IGFBPL1: variants seen among roughly 807,000 people sequenced by gnomAD.
IGFBPL1 encodes the protein insulin like growth factor binding protein like 1, also known as insulin-like growth factor-binding protein-like 1.
In IGFBPL1, 20 loss-of-function variants were observed where a neutral mutation model predicts 23.9. That is an observed-to-expected ratio of 0.84 (90% CI 0.59 to 1.22). IGFBPL1 has a LOEUF of 1.22. Ranked by LOEUF, IGFBPL1 falls within the 50% of genes most tolerant of loss-of-function variation. The pLI, the probability that IGFBPL1 is intolerant of heterozygous loss-of-function variation, is 0.00. For synonymous variants in IGFBPL1, 184 were observed against 171.8 expected (o/e 1.07, Z -0.56); for missense variants, 436 against 379.3 (o/e 1.15, Z -1.24).
At position 38,424,119 on chromosome 9, in the gene IGFBPL1, G is replaced by A; in HGVS notation, c.306C>T (p.Gly102=). The change falls in exon 1 of 5, where the codon GGC becomes GGT. Residue 102 remains glycine, a synonymous_variant. Transcript: ENST00000377694. ...ASQAAGAAPE[G]TGLCVCAQRG... ...GCTGCGCGCACACGCAGAGCCCGGT[G>A]CCCTCGGGCGCTGCCCCAGCGGCCT... is the stretch of plus-strand genomic sequence containing the variant. The A allele has an allele frequency of 7.8e-7, 1 of 1,279,126 alleles. No individual in the cohort carries two copies. The highest frequency in any genetic ancestry group is 3.3e-5 in the East Asian group (1 of 30,566). The allele number at this position is 1,279,126 out of a possible 1,614,324, so 79.2% of individuals were successfully genotyped here. A position where few individuals can be genotyped will look rare whatever the true frequency, so the allele number is the denominator to read the frequency against.
At chr9:38,420,598 C>A (rs1821665637) in intron 1 of IGFBPL1, among the ~76,000 whole-genome samples, 2 of 152,202 alleles carry the variant, frequency 1.3e-5, no homozygotes, top group Non-Finnish European at 2.9e-5. Context: ...CTTTGGGAGG[C>A]CGAGGCGGGC....
At chr9:38,420,463 C>T (rs2118323875) in intron 1 of IGFBPL1, among the ~76,000 whole-genome samples, 1 of 152,332 alleles carries the variant, frequency 6.6e-6, no homozygotes, top group South Asian at 2.1e-4. Context: ...GAGAAACCCC[C>T]AAGATTCAAG....
chr9:38,413,438 C>T (rs1168698276), intron 2 of IGFBPL1, 85 bp from the exon 3 acceptor site: 5 of 809,932 alleles, frequency 6.2e-6, no homozygotes, highest in East Asian at 2.4e-5. Flanking sequence ...TGCCCTCCTC[C>T]TTCCTCCTCC....
rs935915430 is a variant in IGFBPL1 at position 38,411,498 on chromosome 9, T to C, written c.739A>G (p.Asn247Asp). The change falls in exon 4 of 5, where the codon AAC becomes GAC. Residue 247 changes from asparagine (N) to aspartate (D), a missense_variant. By Grantham distance (23) the Asn-to-Asp change is conservative (BLOSUM62 1). Coordinates refer to ENST00000377694, the MANE Select transcript of IGFBPL1 (RefSeq NM_001007563.3). ...TGGGACTCAGCCTCTCCCACCATGT[T>C]GGCTGCATGGCACTGGTACACACCC... is the stretch of plus-strand genomic sequence containing the variant. The part of the protein sequence containing the change: ...DEGVYQCHAA[N>D]MVGEAESHST... The C allele has an allele frequency of 2.5e-6, 4 of 1,613,980 alleles. No individual in the cohort carries two copies. The highest frequency in any genetic ancestry group is 3.4e-6 in the Non-Finnish European group (4 of 1,179,822).
rs1821585405 is a variant in IGFBPL1 at position 38,415,357 on chromosome 9, C to T, written c.461-1154G>A. Among the ~76,000 whole-genome samples the T allele has an allele frequency of 2.0e-5, 3 of 152,178 alleles. No individual in the cohort carries two copies. The South Asian group carries it at 6.2e-4, about 32-fold the overall frequency. On this transcript the variant is annotated intron_variant, in intron 1 of 4. Transcript: ENST00000377694. ...GACAGCCCTGTTGTTCTCCACAAGA[C>T]TGCACCTGGATAAGGCTGCAATACA...
At chr9:38,410,708 C>T (rs974989245) in intron 4 of IGFBPL1, among the ~76,000 whole-genome samples, 1 of 152,160 alleles carries the variant, frequency 6.6e-6, no homozygotes, top group Non-Finnish European at 1.5e-5. Flanking sequence ...ACGTCTGTGG[C>T]TGTGAACCAG....
intron 1 of IGFBPL1, 88 bp downstream of exon 1, chr9:38,423,877 A>G: frequency 8.2e-7 from 1 of 1,213,422 alleles, no homozygotes. Context: ...AGCGCCGTCC[A>G]CCACTGGGCA....
intron 1 of IGFBPL1, among the ~76,000 whole-genome samples, chr9:38,415,109 A>G (rs1166521016): frequency 2.6e-5 from 4 of 152,172 alleles, no homozygotes; most frequent in Non-Finnish European, 5.9e-5. Flanking sequence ...CCCAGCTGTC[A>G]TCTATAAGGT....
intron 2 of IGFBPL1, 34 bp from the exon 3 acceptor site, chr9:38,413,387 GA>G (rs1462492831): frequency 7.2e-7 from 1 of 1,385,404 alleles, no homozygotes; most frequent in Non-Finnish European, 1.0e-6. Context: ...AGGGGGCTTA[GA>G]AAAAGCAATT....
chr9:38,416,501 T>C (rs952205922), intron 1 of IGFBPL1, among the ~76,000 whole-genome samples: 4 of 152,182 alleles, frequency 2.6e-5, no homozygotes, highest in Non-Finnish European at 4.4e-5. Flanking sequence ...TTTGTATTTA[T>C]TTATTTATTT....
At chr9:38,414,232 C>A in intron 1 of IGFBPL1, 29 bp from the exon 2 acceptor site, 3 of 1,423,830 alleles carry the variant, frequency 2.1e-6, no homozygotes, top group Non-Finnish European at 2.9e-6. Flanking sequence ...GAGACGCAGC[C>A]TTTACCCTGC....
At chr9:38,410,851 T>C (rs768970522) in intron 4 of IGFBPL1, among the ~76,000 whole-genome samples, 26 of 152,194 alleles carry the variant, frequency 1.7e-4, no homozygotes, top group Non-Finnish European at 3.8e-4. Flanking sequence ...TAGGAGGCCT[T>C]GACCAGAGGG....
At chr9:38,419,891 C>CTTCTT (rs1554661913) in intron 1 of IGFBPL1, among the ~76,000 whole-genome samples, 32 of 126,278 alleles carry the variant, frequency 2.5e-4, no homozygotes, top group East Asian at 5.6e-4. Flanking sequence ...TCCTCCTCCT[C>CTTCTT]CTTCTTCTTC....
chr9:38,415,885 C>A (rs1036963425), intron 1 of IGFBPL1, among the ~76,000 whole-genome samples: 1 of 152,142 alleles, frequency 6.6e-6, no homozygotes, highest in African/African-American at 2.4e-5. Context: ...TTTCCTCCCC[C>A]TCTATCTGAT....
Position 38,424,135 on chromosome 9 carries a change from C to G in IGFBPL1, c.290G>C (p.Gly97Ala). Residue 97 changes from glycine (G) to alanine (A), a missense_variant, in exon 1 of 5, where the codon GGG becomes GCG. Coordinates refer to ENST00000377694, the MANE Select transcript of IGFBPL1 (RefSeq NM_001007563.3). ...GAGCCCGGTGCCCTCGGGCGCTGCC[C>G]CAGCGGCCTGGCTCGCGCATACCAG... Reference protein sequence around the residue: ...PGLVCASQAAGAAPEGTGLCV... With the variant: ...PGLVCASQAAAAAPEGTGLCV... 8.0e-7 allele frequency: 1 copy of G among 1,248,818 alleles called. No individual in the cohort carries two copies. The highest frequency in any genetic ancestry group is 1.0e-6 in the Non-Finnish European group (1 of 996,996). 77.4% of individuals were successfully genotyped at this position (1,248,818 alleles called of 1,614,324 possible). A position where few individuals can be genotyped will look rare whatever the true frequency, so the allele number is the denominator to read the frequency against.
intron 1 of IGFBPL1, among the ~76,000 whole-genome samples, chr9:38,416,109 C>T (rs1821596497): frequency 6.6e-6 from 1 of 152,216 alleles, no homozygotes; most frequent in Non-Finnish European, 1.5e-5. Flanking sequence ...CCGCCAGCGC[C>T]TCCCCAACCA....
chr9:38,424,085 C>G lies in IGFBPL1; in HGVS notation c.340G>C (p.Val114Leu), dbSNP rs536224261. Residue 114 changes from valine to leucine, a missense_variant, in exon 1 of 5, where the codon GTC becomes CTC. Val to Leu is a conservative substitution (Grantham distance 32). Transcript: ENST00000377694. Reference protein sequence around the residue: ...GLCVCAQRGTVCGSDGRSYPS... With the variant: ...GLCVCAQRGTLCGSDGRSYPS... ...TACGAGCGACCGTCGGAGCCGCAGACGGTGCCGCGCTGCGCGCACACGCAG... is the reference window on the plus strand; with the variant it reads ...TACGAGCGACCGTCGGAGCCGCAGAGGGTGCCGCGCTGCGCGCACACGCAG... The G allele has an allele frequency of 1.9e-5, 26 of 1,372,066 alleles. No homozygotes were observed. The highest frequency in any genetic ancestry group is 4.6e-5 in the African/African-American group (3 of 65,414). The allele number at this position is 1,372,066 out of a possible 1,614,324, so 85.0% of individuals were successfully genotyped here.
chr9:38,423,916 G>A, intron 1 of IGFBPL1, 49 bp downstream of exon 1: 1 of 1,321,668 alleles, frequency 7.6e-7, no homozygotes, highest in East Asian at 3.1e-5. Flanking sequence ...CACCCCAGAG[G>A]GTTGGAATCC....
At chr9:38,423,568 C>T (rs571973724) in intron 1 of IGFBPL1, among the ~76,000 whole-genome samples, 45 of 151,806 alleles carry the variant, frequency 3.0e-4, no homozygotes, top group Non-Finnish European at 5.0e-4. Context: ...CTATCCTCTA[C>T]TTCCCTTCCT....
Sources: allele counts gnomAD v4.1 joint callset (sites outside exome capture counted in the v4.1 genomes callset), GRCh38; gene constraint gnomAD v4.1.1; transcripts MANE v1.5; gene names NCBI Gene and HGNC (gene_info 2026-07-23, HGNC 2026-07-21).